Variants in TRIM77 observed in about 807,000 individuals in gnomAD.
TRIM77 encodes tripartite motif-containing protein 77.
Under a neutral mutation model 31.8 loss-of-function variants are expected in TRIM77, and 23 were observed. The observed-to-expected ratio is 0.72, with a 90% CI of 0.52 to 1.02. The LOEUF (loss-of-function observed/expected upper bound fraction) is 1.02. TRIM77 is among the 50% of genes least tolerant of loss of function. TRIM77 has a pLI of 0.00. For synonymous variants in TRIM77, 159 were observed against 183.1 expected (o/e 0.87, Z 1.06); for missense variants, 446 against 539.2 (o/e 0.83, Z 1.71).
In TRIM77 at chr11:89,717,429, G is replaced by A. The variant is rs532293788; in HGVS notation, c.910G>A (p.Glu304Lys). 29 of 1,551,338 alleles carry A rather than the reference G, an allele frequency of 1.9e-5. No individual in the cohort carries two copies. Among genetic ancestry groups the A allele is most frequent in the South Asian group, 1.4e-4 (12 of 84,040 alleles). ...ATGCAGTAATCACAAGCTTCTGTTCGAAGACCTAAGGCATTTGCAGTGCAG... is the reference window on the plus strand; with the variant it reads ...ATGCAGTAATCACAAGCTTCTGTTCAAAGACCTAAGGCATTTGCAGTGCAG... ...KICSNHKLLF[E>K]DLRHLQCSLD... is the part of the protein sequence containing the mutation. Residue 304 changes from glutamate (E) to lysine (K), a missense_variant, in exon 6 of 6, where the codon GAA becomes AAA. Around this residue, in one of 3 missense-constraint regions of TRIM77, gnomAD observed 366 missense variants for 447.9 expected, o/e 0.82. Coordinates refer to ENST00000398290, the MANE Select transcript of TRIM77 (RefSeq NM_001146162.1).
chr11:89,712,667 C>A (rs1949130311), intron 2 of TRIM77, among the ~76,000 whole-genome samples: 1 of 152,024 alleles, frequency 6.6e-6, no homozygotes, highest in South Asian at 2.1e-4. Context: ...AAAATGGTGT[C>A]AAATGCAGAA....
chr11:89,713,001 C>T (rs1471076947), intron 2 of TRIM77, among the ~76,000 whole-genome samples: 2 of 152,010 alleles, frequency 1.3e-5, no homozygotes, highest in African/African-American at 2.4e-5. Context: ...AGGTCCGGCG[C>T]GATGGCTCAT....
In TRIM77 at chr11:89,711,366, A is replaced by G. The variant is rs1014771868; in HGVS notation, c.412-44A>G. 36 of 1,015,192 alleles carry G rather than the reference A, an allele frequency of 3.5e-5. No homozygotes were observed. The Admixed American group carries it at 7.3e-4, about 20-fold the overall frequency. 62.9% of individuals were successfully genotyped at this position (1,015,192 alleles called of 1,614,324 possible). On this transcript the variant is annotated intron_variant, in intron 1 of 5. Transcript: ENST00000398290. ...CTTTTGGTAGTATCTGAAATATACTATATTTTCTTTTCTAGTGCTCAGATT... is the reference window on the plus strand; with the variant it reads ...CTTTTGGTAGTATCTGAAATATACTGTATTTTCTTTTCTAGTGCTCAGATT...
At chr11:89,712,329 G>A (rs1228872565) in intron 2 of TRIM77, among the ~76,000 whole-genome samples, 1 of 152,110 alleles carries the variant, frequency 6.6e-6, no homozygotes, top group Non-Finnish European at 1.5e-5. Context: ...GGCCTATCAT[G>A]TGTTGCTTAC....
At chr11:89,717,274 T>C (rs1001147514) in intron 5 of TRIM77, 105 bp from the exon 6 acceptor site, 1 of 1,112,862 alleles carries the variant, frequency 9.0e-7, no homozygotes, top group African/African-American at 1.6e-5. Flanking sequence ...TTTTGTTTGT[T>C]TGTTTTCAGG....
At position 89,715,131 on chromosome 11, in the gene TRIM77, ACTAAGCAATCCTCT is replaced by A. The variant is rs1348599589; in HGVS notation, c.739-24_739-11del. 1.3e-6 allele frequency: 2 copies of A among 1,550,494 alleles called. No individual in the cohort carries two copies. Among genetic ancestry groups the A allele is most frequent in the South Asian group, 2.4e-5 (2 of 83,830 alleles). On this transcript the variant is annotated splice_polypyrimidine_tract_variant and intron_variant, in intron 3 of 5. Coordinates refer to ENST00000398290, the MANE Select transcript of TRIM77 (RefSeq NM_001146162.1). Reference sequence around the variant, plus strand: ...TTGAGAGAACCATGTTGTGCTGCAAACTAAGCAATCCTCTCTCTCTTTATAGGATTTGGGAGACG... The same window carrying A: ...TTGAGAGAACCATGTTGTGCTGCAAACTCTCTTTATAGGATTTGGGAGACG...
At position 89,711,557 on chromosome 11, in the gene TRIM77, C is replaced by T. The variant is rs563636025; in HGVS notation, c.507+52C>T. Reference sequence around the variant, plus strand: ...AACCAGTTTGGAATAGAAAATGTGACTTGTGGGAGAAGAACTTGAGTTAAC... The same window carrying T: ...AACCAGTTTGGAATAGAAAATGTGATTTGTGGGAGAAGAACTTGAGTTAAC... On this transcript the variant is annotated intron_variant, in intron 2 of 5. Transcript: ENST00000398290. The T allele has an allele frequency of 1.2e-5, 12 of 1,004,732 alleles. No individual in the cohort carries two copies. In the African/African-American group the frequency reaches 1.2e-4, roughly 10 times the overall value. The allele number at this position is 1,004,732 out of a possible 1,614,324, so 62.2% of individuals were successfully genotyped here.
In TRIM77 at chr11:89,710,575, T is replaced by A. The variant is rs1376394067; in HGVS notation, c.277T>A (p.Cys93Ser). ...CQLSSSAMLI[C>S]RRHQEIKNLI... The stretch of plus-strand genomic sequence containing the variant: ...GTTATCAAGCTCTGCCATGCTGATC[T>A]GTAGGAGACACCAGGAAATCAAGAA... The change falls in exon 1 of 6, where the codon TGT (cysteine) becomes AGT (serine). Residue 93 changes from cysteine (C) to serine (S), a missense_variant. Physicochemically the swap from Cys to Ser is moderately radical, Grantham distance 112. This residue lies in a region of TRIM77 where 366 missense variants were observed against 447.9 expected (regional missense o/e 0.82). Transcript: ENST00000398290. The A allele has an allele frequency of 1.9e-6, 3 of 1,551,646 alleles. No individual in the cohort carries two copies. Among genetic ancestry groups the A allele is most frequent in the Non-Finnish European group, 2.6e-6 (3 of 1,147,000 alleles).
At chr11:89,712,974 C>A (rs1461816521) in intron 2 of TRIM77, among the ~76,000 whole-genome samples, 3 of 151,934 alleles carry the variant, frequency 2.0e-5, no homozygotes, top group African/African-American at 7.3e-5. Flanking sequence ...AAGGGAAAAA[C>A]TGTGAAAAAG....
At position 89,717,503 on chromosome 11, in the gene TRIM77, T is replaced by C. The variant is rs1161329573; in HGVS notation, c.984T>C (p.Thr328=). ...GTAATCCAACAAGTACACAGTATAC[T>C]TCTTCATGGGGAGCTCAGATCCTCA... ...MSCNPTSTQY[T]SSWGAQILSS... is the part of the protein sequence containing the mutation. Residue 328 remains threonine (T), a synonymous_variant, in exon 6 of 6, where the codon ACT becomes ACC. Coordinates refer to ENST00000398290, the MANE Select transcript of TRIM77 (RefSeq NM_001146162.1). 7.1e-6 allele frequency: 11 copies of C among 1,551,574 alleles called. No individual in the cohort carries two copies. Among genetic ancestry groups the C allele is most frequent in the Non-Finnish European group, 7.8e-6 (9 of 1,146,916 alleles).
intron 1 of TRIM77, 76 bp from the exon 2 acceptor site, chr11:89,711,334 T>G: frequency 1.4e-6 from 1 of 715,828 alleles, no homozygotes; most frequent in Non-Finnish European, 2.2e-6. Flanking sequence ...GTCCCATGTC[T>G]GTACCTCTTT....
chr11:89,713,456 AAT>A (rs1565425763), intron 2 of TRIM77, among the ~76,000 whole-genome samples: 4,010 of 19,024 alleles, frequency 0.21, 211 homozygotes, highest in East Asian at 0.48. Context: ...ACCTTGTCTC[AAT>A]AATAATAATA....
At chr11:89,713,416 A>T (rs2134544519) in intron 2 of TRIM77, among the ~76,000 whole-genome samples, 1 of 148,704 alleles carries the variant, frequency 6.7e-6, no homozygotes, top group African/African-American at 2.5e-5. Flanking sequence ...TGATTGCACC[A>T]CCATACTCCA....
At chr11:89,711,535 C>G (rs769880777) in intron 2 of TRIM77, 30 bp downstream of exon 2, 2 of 1,269,694 alleles carry the variant, frequency 1.6e-6, no homozygotes, top group Non-Finnish European at 2.2e-6. Flanking sequence ...CTCTCAGAAC[C>G]AGTTTGGAAT....
intron 5 of TRIM77, among the ~76,000 whole-genome samples, chr11:89,716,775 T>C (rs1949163900): frequency 6.6e-6 from 1 of 152,214 alleles, no homozygotes; most frequent in African/African-American, 2.4e-5. Flanking sequence ...AAAGTGGTAT[T>C]GTTTAGGACT....
chr11:89,714,836 A>G (rs1949149103), intron 3 of TRIM77, among the ~76,000 whole-genome samples: 1 of 152,206 alleles, frequency 6.6e-6, no homozygotes, highest in Admixed American at 6.5e-5. Context: ...ACACATCCTT[A>G]TAAGAACTTT....
chr11:89,713,201 G>A (rs1949134740), intron 2 of TRIM77, among the ~76,000 whole-genome samples: 1 of 150,568 alleles, frequency 6.6e-6, no homozygotes, highest in Admixed American at 6.6e-5. Flanking sequence ...ACTTGAACCC[G>A]GGAGGCAGAG....
intron 5 of TRIM77, 92 bp downstream of exon 5, chr11:89,716,079 C>A (rs1949159388): frequency 4.5e-6 from 3 of 666,702 alleles, no homozygotes; most frequent in Non-Finnish European, 7.0e-6. Context: ...TTCTCTGTCT[C>A]TATTATTATT....
chr11:89,716,928 A>C (rs1245175747), intron 5 of TRIM77, among the ~76,000 whole-genome samples: 3 of 152,164 alleles, frequency 2.0e-5, no homozygotes, highest in Non-Finnish European at 4.4e-5. Context: ...TCTTATGAAT[A>C]AGCTGGCAAA....
Sources: allele counts gnomAD v4.1 joint callset (sites outside exome capture counted in the v4.1 genomes callset), GRCh38; gene constraint gnomAD v4.1.1; regional missense constraint gnomAD v4.1.1; transcripts MANE v1.5; gene names NCBI Gene and HGNC (gene_info 2026-07-23, HGNC 2026-07-21).